Variants in SLC9A4 observed in about 807,000 individuals in gnomAD.
The protein encoded by SLC9A4 is solute carrier family 9 member A4, also known as sodium/hydrogen exchanger 4.
In SLC9A4, 63 loss-of-function variants were observed where a neutral mutation model predicts 67.4. The ratio of observed to expected loss-of-function variants is 0.93; its 90% CI spans 0.76 to 1.15. The LOEUF (loss-of-function observed/expected upper bound fraction) is 1.15, where lower values mean the gene tolerates loss of function less well. SLC9A4 is among the 50% of genes most tolerant of loss of function. The pLI is 0.00. For synonymous variants in SLC9A4, 393 were observed against 367.2 expected (o/e 1.07, Z -0.80); for missense variants, 1,089 against 987.7 (o/e 1.10, Z -1.38).
chr2:102,485,342 G>C (rs1684564251), intron 2 of SLC9A4, among the ~76,000 whole-genome samples: 1 of 152,182 alleles, frequency 6.6e-6, no homozygotes, highest in Non-Finnish European at 1.5e-5. Context: ...AATTCCCTTT[G>C]GGTGAGGCAA....
chr2:102,510,533 C>T (rs1685146711), intron 6 of SLC9A4, among the ~76,000 whole-genome samples: 1 of 152,174 alleles, frequency 6.6e-6, no homozygotes, highest in Non-Finnish European at 1.5e-5. Context: ...GGGGTCATCT[C>T]CCTTAAGACA....
intron 2 of SLC9A4, among the ~76,000 whole-genome samples, chr2:102,481,575 C>T (rs992514345): frequency 2.0e-5 from 3 of 151,814 alleles, no homozygotes; most frequent in Admixed American, 6.6e-5. Flanking sequence ...GCAAATGTTG[C>T]GTCTTGCTCA....
rs1258591730 is a variant in SLC9A4, at chr2:102,473,750, G to A, written c.-10G>A. 1 of 1,613,102 alleles carries A rather than the reference G, an allele frequency of 6.2e-7. No homozygotes were observed. The highest frequency in any genetic ancestry group is 8.5e-7 in the Non-Finnish European group (1 of 1,179,694). On this transcript the variant is annotated 5_prime_UTR_variant, in exon 1 of 12. Coordinates refer to ENST00000295269, the MANE Select transcript of SLC9A4 (RefSeq NM_001011552.4). ...CCACACAGGGGTGTAGGTAGGAGAA[G>A]CCCACAGGAATGGCTCTGCAGATGT... is the stretch of plus-strand genomic sequence containing the variant.
At chr2:102,498,132 C>G (rs1330003907) in intron 2 of SLC9A4, among the ~76,000 whole-genome samples, 1 of 152,182 alleles carries the variant, frequency 6.6e-6, no homozygotes, top group Non-Finnish European at 1.5e-5. Flanking sequence ...GAGCTTTTCC[C>G]TTCAGTGTAT....
intron 1 of SLC9A4, among the ~76,000 whole-genome samples, chr2:102,478,394 A>G (rs899027841): frequency 1.3e-5 from 2 of 152,216 alleles, no homozygotes; most frequent in African/African-American, 4.8e-5. Context: ...GAGACAAAAT[A>G]AAGGACTTTT....
At chr2:102,484,070 C>T (rs1684533071) in intron 2 of SLC9A4, among the ~76,000 whole-genome samples, 1 of 151,926 alleles carries the variant, frequency 6.6e-6, no homozygotes, top group Non-Finnish European at 1.5e-5. Flanking sequence ...GGTGCATCTA[C>T]TATGTCACTT....
intron 4 of SLC9A4, among the ~76,000 whole-genome samples, chr2:102,506,947 G>A (rs527589480): frequency 4.5e-4 from 69 of 152,236 alleles, no homozygotes; most frequent in Middle Eastern, 3.4e-3. Context: ...CGGTTCTCCC[G>A]CTCATAGCCT....
In SLC9A4 at chr2:102,508,193, C is replaced by A; in HGVS notation, c.1313C>A (p.Ala438Glu). 6.2e-7 allele frequency: 1 copy of A among 1,614,180 alleles called. No homozygotes were observed. Among genetic ancestry groups the A allele is most frequent in the Non-Finnish European group, 8.5e-7 (1 of 1,180,034 alleles). Residue 438 changes from alanine (A) to glutamate (E), a missense_variant, in exon 5 of 12, where the codon GCA (alanine) becomes GAA (glutamate). By Grantham distance (107) the Ala-to-Glu change is moderately radical (BLOSUM62 -1). Transcript: ENST00000295269. Reference sequence around the variant, plus strand: ...CGAGGAGCTGGAAGTTTTTCACTTGCATTTTTGCTTCCTCTGTCTCTTTTT... The same window carrying A: ...CGAGGAGCTGGAAGTTTTTCACTTGAATTTTTGCTTCCTCTGTCTCTTTTT... Reference protein sequence around the residue: ...GVRGAGSFSLAFLLPLSLFPR... With the variant: ...GVRGAGSFSLEFLLPLSLFPR...
Position 102,530,679 on chromosome 2 carries a change from T to C in SLC9A4, c.2039-1651T>C, listed in dbSNP as rs572326833. Among the ~76,000 whole-genome samples, 257 of 152,306 alleles carry C rather than the reference T, an allele frequency of 1.7e-3. 2 individuals are homozygous for C. Among genetic ancestry groups the C allele is most frequent in the Non-Finnish European group, 2.9e-3 (199 of 68,016 alleles). On this transcript the variant is annotated intron_variant, in intron 11 of 11. Transcript: ENST00000295269. Reference sequence around the variant, plus strand: ...GGGCAGAAGCCTCCAGGCCATTGTTTCCTTAGCTAGTGCTTCAAGCACCAA... The same window carrying C: ...GGGCAGAAGCCTCCAGGCCATTGTTCCCTTAGCTAGTGCTTCAAGCACCAA...
chr2:102,496,812 G>A (rs1359548369), intron 2 of SLC9A4, among the ~76,000 whole-genome samples: 1 of 152,244 alleles, frequency 6.6e-6, no homozygotes, highest in South Asian at 2.1e-4. Flanking sequence ...AGAAATCTTA[G>A]AGGCATTCCC....
intron 11 of SLC9A4, among the ~76,000 whole-genome samples, chr2:102,531,414 C>T (rs1375896901): frequency 2.0e-5 from 3 of 152,088 alleles, no homozygotes; most frequent in African/African-American, 7.2e-5. Context: ...GGAAGAGAAT[C>T]CAAGAGGGGA....
chr2:102,505,589 G>A (rs1012812411), intron 4 of SLC9A4, 118 bp downstream of exon 4: 57 of 936,022 alleles, frequency 6.1e-5, no homozygotes, highest in Non-Finnish European at 8.7e-5. Context: ...TACCGGTTAG[G>A]GTAGACTAGG....
intron 9 of SLC9A4, among the ~76,000 whole-genome samples, chr2:102,522,963 C>G (rs1481279816): frequency 6.6e-6 from 1 of 151,928 alleles, no homozygotes; most frequent in African/African-American, 2.4e-5. Context: ...CAGTTTATGC[C>G]TTCTTTTCTT....
At chr2:102,524,048 C>T (rs149934244) in intron 9 of SLC9A4, among the ~76,000 whole-genome samples, 346 of 152,320 alleles carry the variant, frequency 2.3e-3, no homozygotes, top group Non-Finnish European at 3.8e-3. Flanking sequence ...TTGACTTCTC[C>T]AGGAAACTGT....
Position 102,532,463 on chromosome 2 carries a change from C to T in SLC9A4, c.2172C>T (p.Ser724=), listed in dbSNP as rs1055422237. 2 of 1,614,188 alleles carry T rather than the reference C, an allele frequency of 1.2e-6. No homozygotes were observed. The highest frequency in any genetic ancestry group is 8.5e-7 in the Non-Finnish European group (1 of 1,180,026). Residue 724 remains serine (S), a synonymous_variant, in exon 12 of 12, where the codon AGC becomes AGT. Transcript: ENST00000295269. The part of the protein sequence containing the change: ...KSLHRGRKAF[S]FGYQRNTSQE... ...TACACAGAGGAAGGAAGGCATTCAGCTTTGGTTATCAAAGAAACACAAGCC... is the reference window on the plus strand; with the variant it reads ...TACACAGAGGAAGGAAGGCATTCAGTTTTGGTTATCAAAGAAACACAAGCC...
chr2:102,478,966 C>T lies in SLC9A4; in HGVS notation c.384C>T (p.Ser128=), dbSNP rs1187203085. Residue 128 remains serine (S), a synonymous_variant, in exon 2 of 12, where the codon AGC becomes AGT. Transcript: ENST00000295269. The part of the protein sequence containing the change: ...DHKSPPVMDS[S]IYFLYLLPPI... ...AATCGCCTCCGGTCATGGACTCCAG[C>T]ATCTACTTCCTGTATCTCCTGCCAC... 1.2e-6 allele frequency: 2 copies of T among 1,613,954 alleles called. No homozygotes were observed. Among genetic ancestry groups the T allele is most frequent in the African/African-American group, 1.3e-5 (1 of 74,952 alleles).
intron 2 of SLC9A4, 149 bp from the exon 3 acceptor site, chr2:102,503,299 T>C: frequency 2.7e-6 from 2 of 746,250 alleles, no homozygotes; most frequent in South Asian, 4.1e-5. Flanking sequence ...TTATTGGGAA[T>C]ACAGTTAAAA....
chr2:102,510,256 G>GATACAT (rs1240917493), intron 6 of SLC9A4, among the ~76,000 whole-genome samples: 8 of 147,654 alleles, frequency 5.4e-5, no homozygotes, highest in Non-Finnish European at 8.9e-5. Flanking sequence ...TACAGATACA[G>GATACAT]ATACAGATAC....
At chr2:102,526,069 G>T (rs1390589490) in intron 10 of SLC9A4, among the ~76,000 whole-genome samples, 190 bp from the exon 11 acceptor site, 1 of 152,120 alleles carries the variant, frequency 6.6e-6, no homozygotes, top group African/African-American at 2.4e-5. Context: ...TGTATTTTTA[G>T]TAGAGACGGG....
Sources: allele counts gnomAD v4.1 joint callset (sites outside exome capture counted in the v4.1 genomes callset), GRCh38; gene constraint gnomAD v4.1.1; transcripts MANE v1.5; gene names NCBI Gene and HGNC (gene_info 2026-07-23, HGNC 2026-07-21).